SIPA1L3: variants seen among roughly 807,000 people sequenced by gnomAD.
SIPA1L3 encodes signal-induced proliferation-associated 1-like protein 3.
In SIPA1L3, 59 loss-of-function variants were observed where a neutral mutation model predicts 150.1. The observed-to-expected ratio is 0.39, with a 90% confidence interval of 0.32 to 0.49. The LOEUF (loss-of-function observed/expected upper bound fraction) is 0.49. SIPA1L3 is among the 20% of genes least tolerant of loss of function. SIPA1L3 has a pLI of 0.86. For synonymous variants in SIPA1L3, 1,070 were observed against 1,077.6 expected, an observed-to-expected ratio of 0.99 and a Z score of 0.14; for missense variants, 2,211 against 2,489.5, an observed-to-expected ratio of 0.89 and a Z score of 2.38.
At chr19:38,124,027 C>T (rs1438772668) in intron 9 of SIPA1L3, among the ~76,000 whole-genome samples, 3 of 150,848 alleles carry the variant, frequency 2.0e-5, no homozygotes, top group African/African-American at 7.3e-5. Flanking sequence ...AGAGGGGCTC[C>T]TCACCTCCCA....
At chr19:37,919,705 C>CTTT (rs10644508) in intron 1 of SIPA1L3, among the ~76,000 whole-genome samples, 842 of 84,024 alleles carry the variant, frequency 0.01, 10 homozygotes, top group Middle Eastern at 0.011. Flanking sequence ...GGCCCTGAGG[C>CTTT]TTTTTTTTTT....
At chr19:38,193,858 C>T in intron 18 of SIPA1L3, 78 bp downstream of exon 18, 1 of 1,424,244 alleles carries the variant, frequency 7.0e-7, no homozygotes, top group South Asian at 1.5e-5. Flanking sequence ...AGGGGCTCAC[C>T]TGGAGGTCAA....
chr19:38,123,309 A>G (rs1971071732), intron 9 of SIPA1L3, among the ~76,000 whole-genome samples: 2 of 144,026 alleles, frequency 1.4e-5, no homozygotes, highest in Admixed American at 7.1e-5. Context: ...GGTGTTTCTC[A>G]CAGAGGGGGA....
At chr19:38,024,615 G>C (rs2145707704) in intron 1 of SIPA1L3, among the ~76,000 whole-genome samples, 1 of 152,280 alleles carries the variant, frequency 6.6e-6, no homozygotes, top group African/African-American at 2.4e-5. Context: ...CCACCAAGTG[G>C]ACAGACAAGT....
intron 1 of SIPA1L3, among the ~76,000 whole-genome samples, chr19:37,926,592 G>A (rs780701085): frequency 6.6e-6 from 1 of 152,154 alleles, no homozygotes; most frequent in Non-Finnish European, 1.5e-5. Context: ...GGGACCAGGT[G>A]GCTCAGGCTT....
chr19:38,041,087 T>C (rs1211578731), intron 2 of SIPA1L3, among the ~76,000 whole-genome samples: 1 of 145,540 alleles, frequency 6.9e-6, no homozygotes, highest in African/African-American at 2.5e-5. Flanking sequence ...TAAAGGAACC[T>C]TTATTTATTT....
rs540860814 is a variant in SIPA1L3 at position 38,170,520 on chromosome 19, C to T, written c.4208+5614C>T. On this transcript the variant is annotated intron_variant, in intron 15 of 21. Coordinates refer to ENST00000222345, the MANE Select transcript of SIPA1L3 (RefSeq NM_015073.3). ...CCCAGCATGAGCACTCATTGACTGC[C>T]CTATGTCTACCTCCACAGCACTCTG... 4.0e-4 allele frequency among the ~76,000 whole-genome samples: 61 copies of T among 152,276 alleles called. 1 individual carries two copies. The highest frequency in any genetic ancestry group is 5.9e-4 in the Admixed American group (9 of 15,292).
intron 2 of SIPA1L3, among the ~76,000 whole-genome samples, chr19:38,065,167 G>T (rs1969543475): frequency 1.3e-5 from 2 of 152,166 alleles, no homozygotes; most frequent in African/African-American, 4.8e-5. Flanking sequence ...CTATTTCCCT[G>T]GGGAATATGT....
intron 4 of SIPA1L3, among the ~76,000 whole-genome samples, chr19:38,099,178 G>C (rs929209999): frequency 7.9e-5 from 12 of 152,090 alleles, no homozygotes; most frequent in African/African-American, 2.9e-4. Context: ...TGGGATTACA[G>C]GTGCATGCCA....
At chr19:37,992,274 C>T (rs147235750) in intron 1 of SIPA1L3, among the ~76,000 whole-genome samples, 1 of 152,318 alleles carries the variant, frequency 6.6e-6, no homozygotes, top group African/African-American at 2.4e-5. Context: ...AGCCCCATGG[C>T]ATGAGCTGTC....
intron 2 of SIPA1L3, among the ~76,000 whole-genome samples, chr19:38,061,255 G>T (rs1213931706): frequency 6.6e-6 from 1 of 151,534 alleles, no homozygotes; most frequent in East Asian, 1.9e-4. Context: ...TTAGAGATGG[G>T]GTCTCGCTAT....
At chr19:38,091,095 T>G (rs1970248241) in intron 4 of SIPA1L3, among the ~76,000 whole-genome samples, 1 of 152,174 alleles carries the variant, frequency 6.6e-6, no homozygotes, top group African/African-American at 2.4e-5. Flanking sequence ...AGTCATATAC[T>G]TATAAATAGG....
intron 2 of SIPA1L3, among the ~76,000 whole-genome samples, chr19:38,055,232 G>T (rs534523849): frequency 6.6e-6 from 1 of 152,288 alleles, no homozygotes; most frequent in South Asian, 2.1e-4. Flanking sequence ...GCAACAGGTG[G>T]TCTCTTACAC....
rs749726821 is a variant in SIPA1L3 at position 38,100,029 on chromosome 19, G to A, written c.1733G>A (p.Arg578Gln). ...ACAGCCACCAAGCATGGGACCGGGC[G>A]GGGCCTGCCCTTGAAGGATGCCCTG... ...TPTATKHGTG[R>Q]GLPLKDALEY... Residue 578 changes from arginine (R) to glutamine (Q), a missense_variant, in exon 5 of 22, where the codon CGG (arginine) becomes CAG (glutamine). Physicochemically the swap from Arg to Gln is conservative, Grantham distance 43. Transcript: ENST00000222345. 2.5e-5 allele frequency: 40 copies of A among 1,611,912 alleles called. No homozygotes were observed. Among genetic ancestry groups the A allele is most frequent in the Non-Finnish European group, 3.1e-5 (37 of 1,179,184 alleles).
intron 1 of SIPA1L3, among the ~76,000 whole-genome samples, chr19:37,939,147 G>T (rs1280384579): frequency 2.0e-5 from 3 of 152,020 alleles, no homozygotes; most frequent in Non-Finnish European, 4.4e-5. Flanking sequence ...CAACTTCTGG[G>T]CATTTGTATA....
chr19:37,936,053 C>T (rs1299980663), intron 1 of SIPA1L3, among the ~76,000 whole-genome samples: 1 of 152,124 alleles, frequency 6.6e-6, no homozygotes, highest in Non-Finnish European at 1.5e-5. Flanking sequence ...GGTTGCTCTA[C>T]CTCCAGCCTG....
intron 1 of SIPA1L3, among the ~76,000 whole-genome samples, chr19:37,984,835 C>T (rs181785931): frequency 6.6e-6 from 1 of 152,176 alleles, no homozygotes; most frequent in African/African-American, 2.4e-5. Flanking sequence ...CAAACTAGAG[C>T]ATGTCCTTGT....
At chr19:37,943,497 A>G (rs2046681062) in intron 1 of SIPA1L3, among the ~76,000 whole-genome samples, 1 of 152,180 alleles carries the variant, frequency 6.6e-6, no homozygotes, top group Non-Finnish European at 1.5e-5. Flanking sequence ...CACCATTCCC[A>G]CTAACCTGGA....
At chr19:38,156,020 G>T (rs1490771742) in intron 13 of SIPA1L3, among the ~76,000 whole-genome samples, 2 of 151,734 alleles carry the variant, frequency 1.3e-5, no homozygotes, top group Non-Finnish European at 2.9e-5. Context: ...GGCAGAAGTT[G>T]CAGTAAGCTG....
Sources: gnomAD v4.1 joint callset for allele counts (sites outside exome capture counted in the v4.1 genomes callset) on GRCh38, gnomAD v4.1.1 for gene constraint, MANE v1.5 for transcripts, NCBI Gene and HGNC (gene_info 2026-07-23, HGNC 2026-07-21) for gene names.